Variants in AKAP19 observed in about 807,000 individuals in gnomAD.
The protein encoded by AKAP19 is A-kinase anchoring protein 19, also known as small A-kinase anchoring protein.
At chr2:190,045,593 G>A in the AKAP19 span, among the ~76,000 whole-genome samples, 43 of 152,182 alleles carry the variant, frequency 2.8e-4, no homozygotes, top group South Asian at 2.1e-4. Context: ...GAATGGCTAA[G>A]GCACCCAAAC....
At chr2:190,038,904 C>CTTTCTTTCTTTCTTTCTTTCTTTCT in the AKAP19 span, among the ~76,000 whole-genome samples, 40 of 89,938 alleles carry the variant, frequency 4.4e-4, 1 homozygote, top group African/African-American at 1.8e-3. Flanking sequence ...TTCTTTCTTT[C>CTTTCTTTCTTTCTTTCTTTCTTTCT]TTCTTCTTCT....
chr2:190,082,386 C>T, the AKAP19 span, among the ~76,000 whole-genome samples: 1 of 152,242 alleles, frequency 6.6e-6, no homozygotes, highest in Non-Finnish European at 1.5e-5. Flanking sequence ...GGATGGCCAC[C>T]TGCAGGCTAC....
the AKAP19 span, among the ~76,000 whole-genome samples, chr2:190,005,156 CAA>C: frequency 7.9e-5 from 12 of 152,266 alleles, no homozygotes; most frequent in East Asian, 1.9e-3. Flanking sequence ...TGTGCAGACC[CAA>C]AGAGTCAGCA....
the AKAP19 span, among the ~76,000 whole-genome samples, chr2:189,963,015 A>G: frequency 9.2e-5 from 14 of 152,134 alleles, no homozygotes; most frequent in Admixed American, 2.0e-4. Context: ...TACTTTATCA[A>G]CTAAGTTTAT....
At chr2:189,906,684 G>T in the AKAP19 span, among the ~76,000 whole-genome samples, 6 of 151,954 alleles carry the variant, frequency 3.9e-5, no homozygotes, top group Non-Finnish European at 7.4e-5. Flanking sequence ...CCAACATATA[G>T]ATATACAACT....
the AKAP19 span, among the ~76,000 whole-genome samples, chr2:190,041,144 C>G: frequency 2.0e-5 from 3 of 152,144 alleles, no homozygotes. Flanking sequence ...TTGATCCTTC[C>G]TACCCATGAG....
At chr2:189,955,716 T>C in the AKAP19 span, among the ~76,000 whole-genome samples, 1 of 152,264 alleles carries the variant, frequency 6.6e-6, no homozygotes, top group Non-Finnish European at 1.5e-5. Context: ...TGATGATTAG[T>C]GATATTGAGC....
At chr2:190,060,207 C>T in the AKAP19 span, 1 of 1,613,074 alleles carries the variant, frequency 6.2e-7, no homozygotes, top group Non-Finnish European at 8.5e-7. Context: ...CTGCCAAATA[C>T]CAGTGCCTGG....
the AKAP19 span, among the ~76,000 whole-genome samples, chr2:190,131,613 G>A: frequency 1.3e-5 from 2 of 152,214 alleles, no homozygotes; most frequent in African/African-American, 4.8e-5. Context: ...TAGAATTCAA[G>A]GTGGGGGTCA....
the AKAP19 span, among the ~76,000 whole-genome samples, chr2:190,029,322 G>A: frequency 6.6e-6 from 1 of 152,098 alleles, no homozygotes; most frequent in African/African-American, 2.4e-5. Context: ...AGAGTGCAGG[G>A]ATTACAGGCA....
At chr2:189,968,805 A>T in the AKAP19 span, among the ~76,000 whole-genome samples, 1 of 152,172 alleles carries the variant, frequency 6.6e-6, no homozygotes, top group African/African-American at 2.4e-5. Context: ...CACCAGGAAG[A>T]GTAAGTTTCT....
At chr2:190,104,389 G>A in the AKAP19 span, among the ~76,000 whole-genome samples, 1 of 152,188 alleles carries the variant, frequency 6.6e-6, no homozygotes, top group Non-Finnish European at 1.5e-5. Context: ...TATTAACAGA[G>A]TAAACAGGCA....
At chr2:189,902,633 T>A in the AKAP19 span, among the ~76,000 whole-genome samples, 1 of 152,080 alleles carries the variant, frequency 6.6e-6, no homozygotes, top group Admixed American at 6.6e-5. Flanking sequence ...AGTGCTAATA[T>A]GCTGTTAAAG....
chr2:190,145,957 T>C, the AKAP19 span, among the ~76,000 whole-genome samples: 1 of 147,538 alleles, frequency 6.8e-6, no homozygotes, highest in Admixed American at 6.9e-5. Flanking sequence ...AGAAACCTCT[T>C]CCTGATGGTT....
At chr2:190,160,070 A>T in the AKAP19 span, among the ~76,000 whole-genome samples, 4 of 152,196 alleles carry the variant, frequency 2.6e-5, no homozygotes, top group Admixed American at 2.6e-4. Context: ...GATATAAGTT[A>T]TGAGCATTTT....
chr2:190,186,878 C>T, the AKAP19 span, among the ~76,000 whole-genome samples: 2 of 152,034 alleles, frequency 1.3e-5, no homozygotes, highest in African/African-American at 2.4e-5. The surrounding 1 kb of genome is among the most constrained non-coding windows in gnomAD (Gnocchi z 5.5). Flanking sequence ...CTCACTCTAT[C>T]GCCCAGGCTG....
the AKAP19 span, among the ~76,000 whole-genome samples, chr2:189,964,981 GC>G: frequency 2.6e-5 from 4 of 152,190 alleles, no homozygotes; most frequent in African/African-American, 9.6e-5. Context: ...AAGGGGCCTA[GC>G]TTTTGGCCTG....
At chr2:190,166,317 C>CTTTTTTTTTTTTTTTTTTTTTTT in the AKAP19 span, among the ~76,000 whole-genome samples, 2 of 65,298 alleles carry the variant, frequency 3.1e-5, no homozygotes, top group African/African-American at 1.3e-4. Context: ...AAAATCCACT[C>CTTTTTTTTTTTTTTTTTTTTTTT]TTTTTTTTTT....
At chr2:189,976,225 G>A in the AKAP19 span, among the ~76,000 whole-genome samples, 1 of 152,222 alleles carries the variant, frequency 6.6e-6, no homozygotes, top group African/African-American at 2.4e-5. Context: ...AGGCCTGTTG[G>A]AGTATGCTGG....
Sources: allele counts gnomAD v4.1 joint callset (sites outside exome capture counted in the v4.1 genomes callset), GRCh38; gene constraint gnomAD v4.1.1; non-coding constraint Gnocchi (gnomAD v3.1); transcripts MANE v1.5; gene names NCBI Gene and HGNC (gene_info 2026-07-23, HGNC 2026-07-21).